The following DLG1 variants were observed in gnomAD, a reference collection of about 807,000 sequenced individuals.
DLG1 encodes disks large homolog 1.
Under a neutral mutation model 123.4 loss-of-function variants are expected in DLG1, and 42 were observed. The ratio of observed to expected loss-of-function variants is 0.34; its 90% CI spans 0.27 to 0.44. The LOEUF (loss-of-function observed/expected upper bound fraction) is 0.44, where lower values mean the gene tolerates loss of function less well. Among genes scored for constraint, DLG1 ranks in the 20% least tolerant of loss-of-function variants. The pLI is 1.00. For missense variants in DLG1, 942 were observed against 1,082.6 expected (o/e 0.87, Z 1.82); for synonymous variants, 317 against 356.2 (o/e 0.89, Z 1.24).
At chr3:197,056,647 A>AT in intron 23 of DLG1, among the ~76,000 whole-genome samples, 1 of 152,040 alleles carries the variant, frequency 6.6e-6, no homozygotes, top group South Asian at 2.1e-4. Context: ...TTCCTTTTCT[A>AT]TTTTTTCCTT....
chr3:197,244,837 C>T (rs1750817893), intron 4 of DLG1, among the ~76,000 whole-genome samples: 1 of 152,024 alleles, frequency 6.6e-6, no homozygotes, highest in Non-Finnish European at 1.5e-5. Context: ...GTGCTGGGAA[C>T]TCCAAGGGTG....
At chr3:197,129,562 C>T (rs1781464129) in intron 11 of DLG1, among the ~76,000 whole-genome samples, 1 of 152,174 alleles carries the variant, frequency 6.6e-6, no homozygotes, top group Non-Finnish European at 1.5e-5. Context: ...TTTTAATTTT[C>T]TTCAAGAACT....
chr3:197,058,369 T>G (rs1236656054), intron 23 of DLG1, among the ~76,000 whole-genome samples: 2 of 149,540 alleles, frequency 1.3e-5, no homozygotes, highest in Non-Finnish European at 2.9e-5. Flanking sequence ...GCTGTGTGTA[T>G]TCCTTCAAAG....
chr3:197,147,403 T>G (rs1184472206), intron 6 of DLG1, among the ~76,000 whole-genome samples: 1 of 151,400 alleles, frequency 6.6e-6, no homozygotes, highest in African/African-American at 2.4e-5. Flanking sequence ...TACCCATTTT[T>G]CCATGAGTGG....
rs189415207 is a variant in DLG1 at position 197,166,933 on chromosome 3, A to G, written c.484-17137T>C. ...ACAACACAAAACCAAACAAAACCAA[A>G]CCATGGGTCTTTGAAGAAATGGCTG... On this transcript the variant is annotated intron_variant, in intron 5 of 24. Coordinates refer to ENST00000667157, the MANE Select transcript of DLG1 (RefSeq NM_001366207.1). Among the ~76,000 whole-genome samples, 16 of 151,730 alleles carry G rather than the reference A, an allele frequency of 1.1e-4. No homozygotes were observed. The East Asian group carries it at 3.1e-3, about 29-fold the overall frequency.
At chr3:197,064,803 TTC>T (rs990870410) in intron 22 of DLG1, among the ~76,000 whole-genome samples, 7 of 151,962 alleles carry the variant, frequency 4.6e-5, no homozygotes, top group African/African-American at 7.3e-5. Context: ...TTATTGATCT[TTC>T]TTTTTTTTTC....
At chr3:197,120,067 C>T (rs1775462690) in intron 11 of DLG1, among the ~76,000 whole-genome samples, 2 of 152,110 alleles carry the variant, frequency 1.3e-5, no homozygotes, top group African/African-American at 4.8e-5. Context: ...CGCGACCAGC[C>T]TGGCCAACAT....
chr3:197,085,533 CAATT>C (rs765108825), intron 16 of DLG1, 43 bp downstream of exon 16: 6 of 1,582,930 alleles, frequency 3.8e-6, no homozygotes, highest in Non-Finnish European at 4.3e-6. Context: ...AAAAGAACAT[CAATT>C]ATTTATGTTG....
intron 4 of DLG1, among the ~76,000 whole-genome samples, chr3:197,215,165 C>T (rs1005456845): frequency 6.6e-6 from 1 of 152,072 alleles, no homozygotes; most frequent in African/African-American, 2.4e-5. Context: ...TGGTATTATT[C>T]TAAAGCTTTA....
intron 4 of DLG1, among the ~76,000 whole-genome samples, chr3:197,220,977 GC>G (rs1446412754): frequency 2.0e-5 from 3 of 152,138 alleles, no homozygotes; most frequent in African/African-American, 7.2e-5. Context: ...CAAGCAAACT[GC>G]TATTGATCAT....
Position 197,298,597 on chromosome 3 carries a change from T to G in DLG1, c.-93A>C, listed in dbSNP as rs1290623823. The G allele has an allele frequency of 1.2e-5, 3 of 252,646 alleles. No individual in the cohort carries two copies. The highest frequency in any genetic ancestry group is 7.0e-5 in the African/African-American group (3 of 42,876). The allele number at this position is 252,646 out of a possible 1,614,324, so 15.7% of individuals were successfully genotyped here. On this transcript the variant is annotated 5_prime_UTR_variant, in exon 1 of 25. Transcript: ENST00000667157. ...CCAACTCCGCGGCAGAGACAGCGCC[T>G]GGCGACCCCGGGGGTAGATCCCCAC...
chr3:197,151,585 G>A (rs970524070), intron 5 of DLG1, among the ~76,000 whole-genome samples: 1 of 152,126 alleles, frequency 6.6e-6, no homozygotes, highest in South Asian at 2.1e-4. Context: ...CTGGTGATGG[G>A]TATACATAGA....
intron 16 of DLG1, 134 bp from the exon 17 acceptor site, chr3:197,081,251 T>A: frequency 1.4e-6 from 1 of 709,582 alleles, no homozygotes; most frequent in East Asian, 2.8e-5. Flanking sequence ...TAGGTTTGCA[T>A]CCCCAAATTA....
rs951619175 is a variant in DLG1, at chr3:197,130,801, C to T, written c.1021-130G>A. On this transcript the variant is annotated intron_variant, in intron 10 of 24. Transcript: ENST00000667157. ...AATAAAGGTATGCCGAAAGAAAATA[C>T]CCATGTTTGATGTCTATGATCTCAG... 18 of 672,902 alleles carry T rather than the reference C, an allele frequency of 2.7e-5. 1 individual carries two copies. Among genetic ancestry groups the T allele is most frequent in the Non-Finnish European group, 4.3e-5 (18 of 418,216 alleles). The allele number at this position is 672,902 out of a possible 1,614,324, so 41.7% of individuals were successfully genotyped here. A position where few individuals can be genotyped will look rare whatever the true frequency, so the allele number is the denominator to read the frequency against.
At position 197,104,884 on chromosome 3, in the gene DLG1, A is replaced by G; in HGVS notation, c.1546+19T>C. ...AAACTAAAATAAGCAATAACTATAG[A>G]CAATAAGAATGTTATTACCTTCAGG... On this transcript the variant is annotated intron_variant, in intron 14 of 24. Coordinates refer to ENST00000667157, the MANE Select transcript of DLG1 (RefSeq NM_001366207.1). 6.6e-7 allele frequency: 1 copy of G among 1,518,972 alleles called. No individual in the cohort carries two copies. The highest frequency in any genetic ancestry group is 9.1e-7 in the Non-Finnish European group (1 of 1,095,192). 94.1% of individuals were successfully genotyped at this position (1,518,972 alleles called of 1,614,324 possible).
At chr3:197,152,718 G>A (rs1184518136) in intron 5 of DLG1, among the ~76,000 whole-genome samples, 1 of 126,182 alleles carries the variant, frequency 7.9e-6, no homozygotes, top group African/African-American at 3.1e-5. Flanking sequence ...AGCCGAGACA[G>A]CACCACTGCA....
At chr3:197,204,056 G>A (rs1041011330) in intron 4 of DLG1, among the ~76,000 whole-genome samples, 2 of 152,136 alleles carry the variant, frequency 1.3e-5, no homozygotes, top group Non-Finnish European at 2.9e-5. Flanking sequence ...GCTCACAACA[G>A]GTAGCTCAAG....
chr3:197,101,610 C>CT (rs745817946), intron 14 of DLG1, among the ~76,000 whole-genome samples: 1 of 152,060 alleles, frequency 6.6e-6, no homozygotes, highest in Non-Finnish European at 1.5e-5. Flanking sequence ...AGAATGGTCT[C>CT]TATCTCCTGA....
intron 4 of DLG1, among the ~76,000 whole-genome samples, chr3:197,199,207 G>A (rs1724299591): frequency 6.6e-6 from 1 of 152,008 alleles, no homozygotes; most frequent in South Asian, 2.1e-4. Flanking sequence ...CCTTATACTT[G>A]TACCTTTAAG....
Sources: allele counts gnomAD v4.1 joint callset (sites outside exome capture counted in the v4.1 genomes callset), GRCh38; gene constraint gnomAD v4.1.1; transcripts MANE v1.5; gene names NCBI Gene and HGNC (gene_info 2026-07-23, HGNC 2026-07-21).